The following TMEM74 variants were observed in gnomAD, a reference collection of about 807,000 sequenced individuals.
The protein encoded by TMEM74 is transmembrane protein 74.
In TMEM74, 13 loss-of-function variants were observed where a neutral mutation model predicts 18.1. That is an observed-to-expected ratio of 0.72 (90% CI 0.47 to 1.14). TMEM74 has a LOEUF of 1.14. TMEM74 is among the 50% of genes most tolerant of loss of function. The pLI is 0.00. For missense variants in TMEM74, 372 were observed against 375.9 expected (o/e 0.99, Z 0.09); for synonymous variants, 159 against 146.6 (o/e 1.08, Z -0.61).
chr8:108,767,997 A>G (rs1173912782), intron 1 of TMEM74, among the ~76,000 whole-genome samples: 1 of 152,172 alleles, frequency 6.6e-6, no homozygotes, highest in African/African-American at 2.4e-5. Flanking sequence ...TTCACTGGCC[A>G]TTGGAAATCG....
intron 2 of TMEM74, among the ~76,000 whole-genome samples, chr8:108,613,359 T>C (rs1234643896): frequency 6.6e-6 from 1 of 152,214 alleles, no homozygotes; most frequent in Admixed American, 6.5e-5. Context: ...CCAACATCAT[T>C]TCCTGAATGA....
intron 1 of TMEM74, among the ~76,000 whole-genome samples, chr8:108,727,868 T>C (rs1813654559): frequency 6.6e-6 from 1 of 151,940 alleles, no homozygotes; most frequent in Non-Finnish European, 1.5e-5. Flanking sequence ...TCCAATAAGA[T>C]AGGAAGTAAG....
chr8:108,621,627 C>T (rs1812441034), intron 2 of TMEM74, among the ~76,000 whole-genome samples: 1 of 152,088 alleles, frequency 6.6e-6, no homozygotes, highest in Non-Finnish European at 1.5e-5. Flanking sequence ...TTGCTGTATC[C>T]ATGTGGACGT....
chr8:108,606,980 G>C (rs1449339512), exon 4 of TMEM74: 3 of 152,212 alleles, frequency 2.0e-5, no homozygotes, highest in Non-Finnish European at 4.4e-5. Flanking sequence ...TATACTCCAA[G>C]ATGACTTTCA....
chr8:108,756,425 A>G (rs932072958), intron 1 of TMEM74, among the ~76,000 whole-genome samples: 2 of 151,382 alleles, frequency 1.3e-5, no homozygotes, highest in African/African-American at 2.4e-5. Context: ...TGGTATAGTT[A>G]ACACCACTGT....
intron 2 of TMEM74, among the ~76,000 whole-genome samples, chr8:108,610,977 G>T (rs1288488245): frequency 1.3e-5 from 2 of 152,172 alleles, no homozygotes; most frequent in Non-Finnish European, 2.9e-5. Context: ...TTGGATGAAT[G>T]GTGCTCAGAG....
Position 108,670,222 on chromosome 8 carries a change from T to C in TMEM74, n.120-14785A>G, listed in dbSNP as rs181065680. Among the ~76,000 whole-genome samples, 212 of 152,300 alleles carry C rather than the reference T, an allele frequency of 1.4e-3. 1 individual carries two copies. The highest frequency in any genetic ancestry group is 6.8e-3 in the Middle Eastern group (2 of 294). ...TTTCTTTATTTCATAATAAAAAGTG[T>C]ACATGATTTATTCCAGTTTCAGTTC... On this transcript the variant is annotated intron_variant and non_coding_transcript_variant, in intron 1 of 3. Transcript: ENST00000518838.
intron 1 of TMEM74, among the ~76,000 whole-genome samples, chr8:108,687,365 A>AAACT (rs10652752): frequency 0.75 from 112,802 of 151,330 alleles, 42,926 homozygotes; most frequent in East Asian, 0.99. Context: ...AGACTGGGAG[A>AAACT]ATTTGCGGCA....
At chr8:108,757,772 T>C (rs1296969529) in intron 1 of TMEM74, among the ~76,000 whole-genome samples, 2 of 152,024 alleles carry the variant, frequency 1.3e-5, no homozygotes, top group African/African-American at 4.8e-5. Flanking sequence ...TTCAATGAAG[T>C]CTTCTTCACC....
rs567542093 is a variant in TMEM74, at chr8:108,651,656, GGT to G, written n.264+3635_264+3636del. On this transcript the variant is annotated intron_variant and non_coding_transcript_variant, in intron 2 of 3. Coordinates refer to the TMEM74 transcript ENST00000518838. Reference sequence around the variant, plus strand: ...CAGAATATATGGAAGGGAGCTTTGAGGTGTGTGTGTGTATGTGTGTGGTTGGG... The same window carrying G: ...CAGAATATATGGAAGGGAGCTTTGAGGTGTGTGTGTATGTGTGTGGTTGGG... Among the ~76,000 whole-genome samples, 381 of 151,852 alleles carry G rather than the reference GGT, an allele frequency of 2.5e-3. 3 individuals are homozygous for G. The highest frequency in any genetic ancestry group is 4.6e-3 in the Non-Finnish European group (314 of 67,896).
intron 2 of TMEM74, among the ~76,000 whole-genome samples, chr8:108,624,218 A>G (rs1229428509): frequency 6.6e-6 from 1 of 152,076 alleles, no homozygotes; most frequent in Non-Finnish European, 1.5e-5. Context: ...AGGGAACAAC[A>G]TCATAATCTA....
intron 2 of TMEM74, among the ~76,000 whole-genome samples, chr8:108,645,130 A>T (rs933472287): frequency 6.6e-6 from 1 of 152,148 alleles, no homozygotes; most frequent in Non-Finnish European, 1.5e-5. Flanking sequence ...TAGATTGGAT[A>T]AAAAAATGTG....
intron 1 of TMEM74, among the ~76,000 whole-genome samples, chr8:108,690,059 G>A (rs868224514): frequency 2.6e-5 from 4 of 151,908 alleles, no homozygotes; most frequent in Middle Eastern, 6.8e-3. Context: ...ATATACATAC[G>A]TACATGTATA....
intron 2 of TMEM74, among the ~76,000 whole-genome samples, chr8:108,649,660 C>T (rs1449374143): frequency 6.6e-6 from 1 of 152,140 alleles, no homozygotes; most frequent in Non-Finnish European, 1.5e-5. Flanking sequence ...ACCAGACAAG[C>T]AGCCAGTAGC....
At chr8:108,643,385 A>G (rs1812685100) in intron 2 of TMEM74, among the ~76,000 whole-genome samples, 2 of 152,200 alleles carry the variant, frequency 1.3e-5, no homozygotes, top group Non-Finnish European at 2.9e-5. Flanking sequence ...AAACTCTGCA[A>G]TCTCATTATT....
intron 2 of TMEM74, among the ~76,000 whole-genome samples, chr8:108,629,195 A>G (rs920087789): frequency 6.6e-6 from 1 of 152,086 alleles, no homozygotes; most frequent in Non-Finnish European, 1.5e-5. Flanking sequence ...ATACACAAGT[A>G]TCAATAGCCA....
chr8:108,714,402 C>T (rs768752070), intron 1 of TMEM74, among the ~76,000 whole-genome samples: 133 of 152,010 alleles, frequency 8.7e-4, no homozygotes, highest in Non-Finnish European at 1.4e-3. Flanking sequence ...ATGAAATTCT[C>T]GGCAAAATTA....
chr8:108,674,395 C>T (rs547929741), intron 1 of TMEM74, among the ~76,000 whole-genome samples: 16 of 152,192 alleles, frequency 1.1e-4, no homozygotes, highest in Admixed American at 3.3e-4. Context: ...CTTGGCTTTT[C>T]GTCTTGCATG....
At chr8:108,700,535 A>T (rs1382200625) in intron 1 of TMEM74, among the ~76,000 whole-genome samples, 15 of 152,192 alleles carry the variant, frequency 9.9e-5, no homozygotes, top group Admixed American at 5.2e-4. Flanking sequence ...TATTAAAGGT[A>T]CATTATGGCT....
Sources: allele counts gnomAD v4.1 joint callset (sites outside exome capture counted in the v4.1 genomes callset), GRCh38; gene constraint gnomAD v4.1.1; transcripts MANE v1.5; gene names NCBI Gene and HGNC (gene_info 2026-07-23, HGNC 2026-07-21).